TMEM255B: variants seen among roughly 807,000 people sequenced by gnomAD.
TMEM255B encodes the protein family with sequence similarity 70, member B.
A neutral mutation model predicts 34.5 loss-of-function variants in TMEM255B; 35 were observed. The observed-to-expected ratio is 1.01, with a 90% confidence interval of 0.77 to 1.34. TMEM255B has a LOEUF of 1.34. TMEM255B is among the 40% of genes most tolerant of loss of function. TMEM255B has a pLI of 0.00. For missense variants in TMEM255B, 432 were observed against 433.2 expected (o/e 1.00, Z 0.02); for synonymous variants, 206 against 201.2 (o/e 1.02, Z -0.20).
rs568302677 is a variant in TMEM255B at position 113,813,982 on chromosome 13, C to A, written c.*2079C>A. ...ACAAGCAGCAGAGACCAAGAGGTTT[C>A]TGGAGCGCCGGGAGATGCACTCACG... On this transcript the variant is annotated 3_prime_UTR_variant, in exon 9 of 9. Transcript: ENST00000375353. The A allele has an allele frequency of 1.2e-4, 18 of 152,302 alleles. No homozygotes were observed. Among genetic ancestry groups the A allele is most frequent in the African/African-American group, 4.1e-4 (17 of 41,580 alleles). The allele number at this position is 152,302 out of a possible 1,614,324, so 9.4% of individuals were successfully genotyped here.
chr13:113,793,928 C>G (rs1301042552), intron 3 of TMEM255B, among the ~76,000 whole-genome samples: 4 of 152,216 alleles, frequency 2.6e-5, no homozygotes, highest in African/African-American at 9.6e-5. Flanking sequence ...CCGCCAGCCC[C>G]CACCCCCCGC....
intron 3 of TMEM255B, among the ~76,000 whole-genome samples, chr13:113,784,640 T>G (rs1398722520): frequency 6.6e-6 from 1 of 152,208 alleles, no homozygotes; most frequent in African/African-American, 2.4e-5. Context: ...GAGGTGGATT[T>G]CTGAGACCTG....
chr13:113,766,412 T>C (rs764997235), intron 2 of TMEM255B, 155 bp downstream of exon 2: 23 of 1,066,058 alleles, frequency 2.2e-5, no homozygotes, highest in Admixed American at 2.1e-4. Flanking sequence ...CCCACAGACA[T>C]GCACTTCCCA....
intron 3 of TMEM255B, among the ~76,000 whole-genome samples, chr13:113,774,535 CACAT>C (rs1171299852): frequency 1.3e-5 from 2 of 150,552 alleles, no homozygotes; most frequent in African/African-American, 4.9e-5. Context: ...CAGTACAAAA[CACAT>C]GCATGCCACA....
chr13:113,774,503 GAC>G (rs201010977), intron 3 of TMEM255B, among the ~76,000 whole-genome samples: 3,797 of 151,884 alleles, frequency 0.025, 151 homozygotes, highest in African/African-American at 0.086. Flanking sequence ...CACATGCACA[GAC>G]ACACACGACA....
chr13:113,761,710 G>A (rs564578555), intron 1 of TMEM255B, among the ~76,000 whole-genome samples: 164 of 152,328 alleles, frequency 1.1e-3, no homozygotes, highest in Non-Finnish European at 1.2e-3. Flanking sequence ...GAGAGCCCAC[G>A]TATCGTGTCT....
At position 113,812,002 on chromosome 13, in the gene TMEM255B, G is replaced by C; in HGVS notation, c.*99G>C. 2 of 1,408,966 alleles carry C rather than the reference G, an allele frequency of 1.4e-6. No homozygotes were observed. The highest frequency in any genetic ancestry group is 9.6e-7 in the Non-Finnish European group (1 of 1,038,376). The allele number at this position is 1,408,966 out of a possible 1,614,324, so 87.3% of individuals were successfully genotyped here. On this transcript the variant is annotated 3_prime_UTR_variant, in exon 9 of 9. Coordinates refer to ENST00000375353, the MANE Select transcript of TMEM255B (RefSeq NM_182614.4). Reference sequence around the variant, plus strand: ...CTGTGGCCAACCTCCTAGAGAACCCGGGAGAATGTTCCAGAAGTCTGTCCC... The same window carrying C: ...CTGTGGCCAACCTCCTAGAGAACCCCGGAGAATGTTCCAGAAGTCTGTCCC...
chr13:113,782,670 G>GT lies in TMEM255B; in HGVS notation c.253-12477dup, dbSNP rs1282785560. ...AGCGATGAGATTTCCTCCTGTGATG[G>GT]TCGGAGGGGGGGGCTTCATTATGAG... On this transcript the variant is annotated intron_variant, in intron 3 of 8. Coordinates refer to ENST00000375353, the MANE Select transcript of TMEM255B (RefSeq NM_182614.4). Among the ~76,000 whole-genome samples, 21 of 107,798 alleles carry GT rather than the reference G, an allele frequency of 1.9e-4. No individual in the cohort carries two copies. In the East Asian group the frequency reaches 8.6e-3, roughly 44 times the overall value. 70.7% of individuals were successfully genotyped at this position (107,798 alleles called of 152,430 possible). A position where few individuals can be genotyped will look rare whatever the true frequency, so the allele number is the denominator to read the frequency against.
rs759612435 is a variant in TMEM255B at position 113,802,842 on chromosome 13, G to A, written c.669+1030G>A. On this transcript the variant is annotated intron_variant, in intron 7 of 8. Coordinates refer to ENST00000375353, the MANE Select transcript of TMEM255B (RefSeq NM_182614.4). ...CCCCACCCTGGGCCCCCAGACGCCCGCACACCAACACAAGACAGGCACCTC... is the reference window on the plus strand; with the variant it reads ...CCCCACCCTGGGCCCCCAGACGCCCACACACCAACACAAGACAGGCACCTC... Among the ~76,000 whole-genome samples, 27 of 148,316 alleles carry A rather than the reference G, an allele frequency of 1.8e-4. 3 individuals carry two copies. The East Asian group carries it at 2.1e-3, about 12-fold the overall frequency.
Position 113,770,597 on chromosome 13 carries a change from G to A in TMEM255B, c.252+1437G>A, listed in dbSNP as rs560728153. On this transcript the variant is annotated intron_variant, in intron 3 of 8. Coordinates refer to ENST00000375353, the MANE Select transcript of TMEM255B (RefSeq NM_182614.4). The surrounding 1 kb of genome is among the most constrained non-coding windows in gnomAD (Gnocchi z 4.6). ...GTAGAGACAGTGTGCACTGCAGGGT[G>A]AGCTGCCGTTCTTGGCTAGCAGTTG... Among the ~76,000 whole-genome samples the A allele has an allele frequency of 6.6e-6, 1 of 152,324 alleles. No individual in the cohort carries two copies. The highest frequency in any genetic ancestry group is 1.9e-4 in the East Asian group (1 of 5,188).
At chr13:113,772,125 T>A (rs1566722931) in intron 3 of TMEM255B, among the ~76,000 whole-genome samples, 1 of 152,244 alleles carries the variant, frequency 6.6e-6, no homozygotes, top group Non-Finnish European at 1.5e-5. Context: ...ATGTGCCTAT[T>A]GGCCGTTTGC....
At position 113,816,662 on chromosome 13, in the gene TMEM255B, T is replaced by C. The variant is rs2051405491; in HGVS notation, c.*4759T>C. Reference sequence around the variant, plus strand: ...GTGGGAGCAGAGATGCCTCCGAAACTCTGGAGACCCACAGAGGCAGAAGAG... The same window carrying C: ...GTGGGAGCAGAGATGCCTCCGAAACCCTGGAGACCCACAGAGGCAGAAGAG... On this transcript the variant is annotated 3_prime_UTR_variant, in exon 9 of 9. Transcript: ENST00000375353. 6.6e-6 allele frequency: 1 copy of C among 152,148 alleles called. No homozygotes were observed. Among genetic ancestry groups the C allele is most frequent in the East Asian group, 1.9e-4 (1 of 5,192 alleles). The allele number at this position is 152,148 out of a possible 1,614,324, so 9.4% of individuals were successfully genotyped here. A position where few individuals can be genotyped will look rare whatever the true frequency, so the allele number is the denominator to read the frequency against.
chr13:113,810,582 G>T (rs1209385380), intron 8 of TMEM255B, among the ~76,000 whole-genome samples: 1 of 152,186 alleles, frequency 6.6e-6, no homozygotes, highest in African/African-American at 2.4e-5. Context: ...GTGGGCTTCA[G>T]GTGCACAACC....
intron 7 of TMEM255B, among the ~76,000 whole-genome samples, chr13:113,802,306 A>G (rs1292208955): frequency 1.3e-5 from 2 of 152,168 alleles, no homozygotes; most frequent in African/African-American, 2.4e-5. Flanking sequence ...CGCCCGGGAA[A>G]CCACAGGGAA....
At position 113,798,668 on chromosome 13, in the gene TMEM255B, A is replaced by G. The variant is rs535123035; in HGVS notation, c.343-671A>G. On this transcript the variant is annotated intron_variant, in intron 4 of 8. Coordinates refer to ENST00000375353, the MANE Select transcript of TMEM255B (RefSeq NM_182614.4). ...ATGTGGATGAATGGAAGGATGGATA[A>G]TGGATGGATGATGGGTGGATGGATG... is the stretch of plus-strand genomic sequence containing the variant. Among the ~76,000 whole-genome samples, 6 of 149,126 alleles carry G rather than the reference A, an allele frequency of 4.0e-5. No individual in the cohort carries two copies. In the South Asian group the frequency reaches 1.1e-3, roughly 28 times the overall value.
intron 3 of TMEM255B, among the ~76,000 whole-genome samples, chr13:113,787,889 C>CCGCA (rs1351256173): frequency 4.0e-5 from 6 of 149,664 alleles, no homozygotes; most frequent in Non-Finnish European, 8.9e-5. Flanking sequence ...GCTGCAGGTG[C>CCGCA]CGTCCACTCT....
intron 1 of TMEM255B, among the ~76,000 whole-genome samples, chr13:113,765,570 T>A (rs1055660420): frequency 6.6e-6 from 1 of 152,174 alleles, no homozygotes; most frequent in Admixed American, 6.5e-5. Flanking sequence ...CTATTTTGTT[T>A]GGAGTCACAC....
At chr13:113,774,300 A>T (rs1282465855) in intron 3 of TMEM255B, among the ~76,000 whole-genome samples, 1 of 152,190 alleles carries the variant, frequency 6.6e-6, no homozygotes, top group African/African-American at 2.4e-5. Context: ...GAATGCCCCA[A>T]ATCACATCAG....
At chr13:113,802,565 C>T (rs754344975) in intron 7 of TMEM255B, among the ~76,000 whole-genome samples, 3 of 152,208 alleles carry the variant, frequency 2.0e-5, no homozygotes, top group Non-Finnish European at 1.5e-5. Context: ...ACCAGGCAGA[C>T]GCACATCATG....
Sources: gnomAD v4.1 joint callset for allele counts (sites outside exome capture counted in the v4.1 genomes callset) on GRCh38, gnomAD v4.1.1 for gene constraint, Gnocchi (gnomAD v3.1) non-coding constraint, MANE v1.5 for transcripts, NCBI Gene and HGNC (gene_info 2026-07-23, HGNC 2026-07-21) for gene names.